The following PTPN13 variants were observed in gnomAD, a reference collection of about 807,000 sequenced individuals.
PTPN13 encodes the protein tyrosine-protein phosphatase non-receptor type 13.
Under a neutral mutation model 284.0 loss-of-function variants are expected in PTPN13, and 191 were observed. That is an observed-to-expected ratio of 0.67 (90% CI 0.60 to 0.76). The LOEUF is 0.76. PTPN13 is among the 30% of genes least tolerant of loss of function. The pLI is 0.00. For missense variants in PTPN13, 2,797 were observed against 2,939.9 expected, an observed-to-expected ratio of 0.95 and a Z score of 1.12; for synonymous variants, 986 against 1,022.3, an observed-to-expected ratio of 0.96 and a Z score of 0.68.
chr4:86,672,853 A>T (rs967647292), intron 3 of PTPN13, among the ~76,000 whole-genome samples: 1 of 152,218 alleles, frequency 6.6e-6, no homozygotes, highest in Non-Finnish European at 1.5e-5. Context: ...CCTGATTAAC[A>T]TGTACAGAAC....
At chr4:86,762,701 T>C (rs1305687729) in intron 23 of PTPN13, 26 bp from the exon 24 acceptor site, 11 of 1,514,364 alleles carry the variant, frequency 7.3e-6, no homozygotes, top group South Asian at 1.2e-5. Flanking sequence ...AACTTGTTAC[T>C]CTCATTGATG....
rs1455243506 is a variant in PTPN13, at chr4:86,750,718, A to G, written c.2899A>G (p.Ser967Gly). ...ASWEEKPREM[S>G]KSYHDLSQAS... is the part of the protein sequence containing the mutation. ...ATGGGAGGAAAAGCCTAGAGAGATG[A>G]GTAAATCATACCATGATCTCAGTCA... is the stretch of plus-strand genomic sequence containing the variant. Residue 967 changes from serine (S) to glycine (G), a missense_variant, in exon 18 of 48, where the codon AGT (serine) becomes GGT (glycine). Transcript: ENST00000411767. 1 of 1,613,696 alleles carries G rather than the reference A, an allele frequency of 6.2e-7. No homozygotes were observed. Among genetic ancestry groups the G allele is most frequent in the African/African-American group, 1.3e-5 (1 of 74,920 alleles).
At chr4:86,658,227 G>A (rs2046208865) in intron 2 of PTPN13, among the ~76,000 whole-genome samples, 1 of 152,150 alleles carries the variant, frequency 6.6e-6, no homozygotes, top group African/African-American at 2.4e-5. Flanking sequence ...TGCTATGACA[G>A]AGCAGCACTG....
At chr4:86,760,115 A>G (rs1029595176) in intron 23 of PTPN13, among the ~76,000 whole-genome samples, 2 of 152,190 alleles carry the variant, frequency 1.3e-5, no homozygotes, top group Admixed American at 1.3e-4. Flanking sequence ...TTCTTACTGG[A>G]TATTATATAT....
At chr4:86,694,056 C>T (rs978579651) in intron 6 of PTPN13, among the ~76,000 whole-genome samples, 1 of 150,808 alleles carries the variant, frequency 6.6e-6, no homozygotes, top group Admixed American at 6.6e-5. Context: ...TTTCAGAAAA[C>T]GTTTTTCTTA....
intron 41 of PTPN13, among the ~76,000 whole-genome samples, 188 bp downstream of exon 41, chr4:86,797,117 G>A (rs969117594): frequency 2.6e-5 from 4 of 152,084 alleles, no homozygotes; most frequent in African/African-American, 9.7e-5. Context: ...CCAGTGCTTT[G>A]GGAGGCTGGG....
chr4:86,672,444 A>G lies in PTPN13; in HGVS notation c.195A>G (p.Ser65=), dbSNP rs762503873. The change falls in exon 3 of 48, where the codon TCA becomes TCG. Residue 65 remains serine (S), a synonymous_variant. Coordinates refer to ENST00000411767, the MANE Select transcript of PTPN13 (RefSeq NM_080683.3). ...SLLLLPSGSV[S]FTDENISNQD... ...TGTTGCTGCCATCTGGTAGTGTGTC[A>G]TTTACAGATGAAAATATTTCCAATC... 2.7e-5 allele frequency: 43 copies of G among 1,577,620 alleles called. No individual in the cohort carries two copies. The highest frequency in any genetic ancestry group is 3.5e-5 in the Non-Finnish European group (41 of 1,160,590).
At chr4:86,691,648 T>C (rs1730037576) in intron 5 of PTPN13, among the ~76,000 whole-genome samples, 1 of 152,210 alleles carries the variant, frequency 6.6e-6, no homozygotes, top group African/African-American at 2.4e-5. Context: ...TTAATAGAGA[T>C]ACTTTTATCC....
At chr4:86,661,713 T>A (rs932690695) in intron 2 of PTPN13, among the ~76,000 whole-genome samples, 1 of 152,232 alleles carries the variant, frequency 6.6e-6, no homozygotes, top group Non-Finnish European at 1.5e-5. Context: ...CAAAGATATA[T>A]GTATTTTCCT....
chr4:86,696,425 T>C (rs1220647795), intron 6 of PTPN13, among the ~76,000 whole-genome samples: 2 of 152,096 alleles, frequency 1.3e-5, no homozygotes, highest in East Asian at 3.9e-4. Flanking sequence ...ATGTTAAACA[T>C]TAAGTTGTAT....
intron 1 of PTPN13, among the ~76,000 whole-genome samples, chr4:86,596,152 TG>T (rs1224106276): frequency 2.0e-5 from 3 of 152,152 alleles, no homozygotes; most frequent in Non-Finnish European, 4.4e-5. Context: ...GGAGTATGTG[TG>T]GGGAGAGGAT....
Position 86,796,945 on chromosome 4 carries a change from T to G in PTPN13, c.6401+16T>G, listed in dbSNP as rs1743407174. 7.0e-7 allele frequency: 1 copy of G among 1,419,354 alleles called. No homozygotes were observed. The allele number at this position is 1,419,354 out of a possible 1,614,324, so 87.9% of individuals were successfully genotyped here. ...AAAGTGAAAGGTGAGAAAATAATTT[T>G]CAAAGTATCCATAATGCTTCTGTCT... On this transcript the variant is annotated intron_variant, in intron 41 of 47. Coordinates refer to ENST00000411767, the MANE Select transcript of PTPN13 (RefSeq NM_080683.3).
rs754188442 is a variant in PTPN13 at position 86,672,491 on chromosome 4, C to T, written c.242C>T (p.Ala81Val). The T allele has an allele frequency of 1.2e-5, 19 of 1,606,708 alleles. No individual in the cohort carries two copies. The Admixed American group carries it at 2.9e-4, about 24-fold the overall frequency. The change falls in exon 3 of 48, where the codon GCA becomes GTA. Residue 81 changes from alanine (A) to valine (V), a missense_variant. Ala to Val is a moderately conservative substitution (Grantham distance 64). Transcript: ENST00000411767. ...ISNQDLRAFTAPEVLQNQSLT... is the reference protein window; with the variant it reads ...ISNQDLRAFTVPEVLQNQSLT... ...AATCAGGATCTTCGAGCATTCACTG[C>T]ACCAGAGGTTCTTCAAAATCAGTCA...
intron 7 of PTPN13, among the ~76,000 whole-genome samples, chr4:86,710,788 T>C (rs376381739): frequency 3.2e-4 from 49 of 152,204 alleles, no homozygotes; most frequent in African/African-American, 1.1e-3. Context: ...ATAAAATATT[T>C]GTTAAGTTTT....
At chr4:86,813,498 C>T (rs1301682439) in intron 47 of PTPN13, among the ~76,000 whole-genome samples, 2 of 152,000 alleles carry the variant, frequency 1.3e-5, no homozygotes, top group East Asian at 3.9e-4. Context: ...CAGGCTGGAG[C>T]ACAGTCCGTG....
chr4:86,708,897 C>G (rs182390595), intron 7 of PTPN13, among the ~76,000 whole-genome samples: 17 of 151,954 alleles, frequency 1.1e-4, no homozygotes, highest in Admixed American at 6.6e-4. Flanking sequence ...TTTCCCATAT[C>G]ACACCTCATA....
intron 24 of PTPN13, among the ~76,000 whole-genome samples, chr4:86,764,382 A>T (rs1307126783): frequency 6.6e-6 from 1 of 151,828 alleles, no homozygotes. Flanking sequence ...ATCTCTTCCA[A>T]CCTTTATGTT....
At chr4:86,633,440 C>A (rs1046695399) in intron 1 of PTPN13, among the ~76,000 whole-genome samples, 3 of 152,138 alleles carry the variant, frequency 2.0e-5, no homozygotes, top group Admixed American at 2.0e-4. Flanking sequence ...GAACATATAT[C>A]AAGGACTCCC....
At chr4:86,683,935 C>A (rs559739218) in intron 3 of PTPN13, among the ~76,000 whole-genome samples, 3 of 152,044 alleles carry the variant, frequency 2.0e-5, no homozygotes, top group Non-Finnish European at 4.4e-5. Context: ...AAGGTATTTA[C>A]ACTTAAGACT....
Sources: allele counts gnomAD v4.1 joint callset (sites outside exome capture counted in the v4.1 genomes callset), GRCh38; gene constraint gnomAD v4.1.1; transcripts MANE v1.5; gene names NCBI Gene and HGNC (gene_info 2026-07-23, HGNC 2026-07-21).